MIR2052HG: variants seen among roughly 807,000 people sequenced by gnomAD.
MIR2052HG encodes MIR2052 host gene.
intron 4 of MIR2052HG, among the ~76,000 whole-genome samples, chr8:74,723,748 A>C (rs1052565458): frequency 4.6e-5 from 7 of 152,184 alleles, no homozygotes; most frequent in African/African-American, 1.4e-4. Flanking sequence ...TGTTGCTAGG[A>C]GAGTTTGTTT....
intron 2 of MIR2052HG, among the ~76,000 whole-genome samples, chr8:74,670,467 A>G (rs564781995): frequency 3.9e-5 from 6 of 152,326 alleles, no homozygotes; most frequent in African/African-American, 1.4e-4. Context: ...TTAAATTTAT[A>G]AAATAGTGAG....
chr8:74,677,384 C>G (rs1809066105), intron 2 of MIR2052HG, among the ~76,000 whole-genome samples: 1 of 151,976 alleles, frequency 6.6e-6, no homozygotes, highest in Admixed American at 6.6e-5. Context: ...ATCTTGTTCT[C>G]AAACACATAA....
At chr8:74,745,196 G>A (rs916770641) in intron 4 of MIR2052HG, among the ~76,000 whole-genome samples, 7 of 152,120 alleles carry the variant, frequency 4.6e-5, no homozygotes, top group South Asian at 4.1e-4. Context: ...CCAGAAAGTC[G>A]AGGCTGCAGT....
intron 2 of MIR2052HG, among the ~76,000 whole-genome samples, chr8:74,624,678 A>G (rs1312208499): frequency 1.3e-5 from 2 of 152,210 alleles, no homozygotes; most frequent in African/African-American, 2.4e-5. Flanking sequence ...TTTTAGAGTC[A>G]TTTTAATATG....
intron 1 of MIR2052HG, among the ~76,000 whole-genome samples, chr8:74,601,480 C>A (rs1054501961): frequency 1.3e-5 from 2 of 152,170 alleles, no homozygotes; most frequent in African/African-American, 4.8e-5. Flanking sequence ...AGGCCCAGTT[C>A]TTTAGGAAGT....
chr8:74,744,774 C>T lies in MIR2052HG; in HGVS notation n.372-7667C>T, dbSNP rs143912886. ...AAGTCTTTGCTATTGTGAATAATGCCGCAGTAAAATCTTACTTCATCAGGA... is the reference window on the plus strand; with the variant it reads ...AAGTCTTTGCTATTGTGAATAATGCTGCAGTAAAATCTTACTTCATCAGGA... On this transcript the variant is annotated intron_variant and non_coding_transcript_variant, in intron 4 of 6. Transcript: ENST00000523442. Among the ~76,000 whole-genome samples, 24 of 152,006 alleles carry T rather than the reference C, an allele frequency of 1.6e-4. No individual in the cohort carries two copies. In the East Asian group the frequency reaches 2.1e-3, roughly 13 times the overall value.
At chr8:74,639,728 T>C (rs1182152072) in intron 2 of MIR2052HG, among the ~76,000 whole-genome samples, 1 of 152,250 alleles carries the variant, frequency 6.6e-6, no homozygotes, top group Non-Finnish European at 1.5e-5. Context: ...ATTATGTTCC[T>C]ATTGGACATT....
chr8:74,637,232 A>T (rs1040315471), intron 2 of MIR2052HG, among the ~76,000 whole-genome samples: 8 of 152,172 alleles, frequency 5.3e-5, no homozygotes, highest in African/African-American at 1.9e-4. Flanking sequence ...ACTACATGTC[A>T]GAATCCATGG....
chr8:74,604,455 T>TGGAGGA (rs577633429), intron 1 of MIR2052HG, among the ~76,000 whole-genome samples: 1 of 65,784 alleles, frequency 1.5e-5, no homozygotes, highest in East Asian at 5.7e-4. Flanking sequence ...GAAGGTGGGG[T>TGGAGGA]GGAGGAGGAG....
chr8:74,734,833 G>A (rs747040118), intron 4 of MIR2052HG, among the ~76,000 whole-genome samples: 3 of 152,192 alleles, frequency 2.0e-5, no homozygotes, highest in Admixed American at 6.5e-5. Context: ...ATCCAACAGA[G>A]AGCAAAAGTT....
chr8:74,696,402 C>T (rs1023529782), intron 2 of MIR2052HG, among the ~76,000 whole-genome samples: 11 of 151,992 alleles, frequency 7.2e-5, no homozygotes, highest in Non-Finnish European at 1.5e-4. Context: ...TCTAAGGTCA[C>T]ACCTCGAGGA....
At chr8:74,624,549 A>C (rs1808409714) in intron 2 of MIR2052HG, among the ~76,000 whole-genome samples, 1 of 152,192 alleles carries the variant, frequency 6.6e-6, no homozygotes, top group Non-Finnish European at 1.5e-5. Flanking sequence ...CTCCTACCTG[A>C]CATTCTGTGA....
At chr8:74,600,588 A>T (rs970190078) in intron 1 of MIR2052HG, among the ~76,000 whole-genome samples, 1 of 138,022 alleles carries the variant, frequency 7.2e-6, no homozygotes, top group Non-Finnish European at 1.6e-5. Flanking sequence ...AAGAAAAAGG[A>T]AAAAAAAAAA....
chr8:74,738,937 A>G (rs1217895390), intron 4 of MIR2052HG, among the ~76,000 whole-genome samples: 1 of 152,238 alleles, frequency 6.6e-6, no homozygotes, highest in African/African-American at 2.4e-5. Context: ...GGAAGAAACA[A>G]TGTAAAAGGC....
chr8:74,732,757 T>C (rs1231145704), intron 4 of MIR2052HG, among the ~76,000 whole-genome samples: 1 of 151,936 alleles, frequency 6.6e-6, no homozygotes, highest in Non-Finnish European at 1.5e-5. Context: ...GAGGAGGGAA[T>C]AGGTAGAGGG....
In MIR2052HG at chr8:74,606,375, G is replaced by A. The variant is rs532595254; in HGVS notation, n.128+6467G>A. 4.3e-4 allele frequency among the ~76,000 whole-genome samples: 66 copies of A among 152,194 alleles called. 1 individual carries two copies. Among genetic ancestry groups the A allele is most frequent in the African/African-American group, 1.6e-3 (65 of 41,536 alleles). ...GTCAATTCAGGTGGAAACAAGGCTA[G>A]GTGATTAAAGTAAAGGGAGAGTCTA... On this transcript the variant is annotated intron_variant and non_coding_transcript_variant, in intron 1 of 6. Transcript: ENST00000523442.
intron 2 of MIR2052HG, among the ~76,000 whole-genome samples, chr8:74,624,340 A>G (rs1305561609): frequency 6.6e-6 from 1 of 152,220 alleles, no homozygotes; most frequent in Non-Finnish European, 1.5e-5. Flanking sequence ...TTTCACTTCA[A>G]ACATATTCTT....
intron 2 of MIR2052HG, among the ~76,000 whole-genome samples, chr8:74,671,668 TGAGA>T (rs1228057168): frequency 1.3e-5 from 2 of 152,086 alleles, no homozygotes; most frequent in Admixed American, 1.3e-4. Context: ...GGACTGAAAA[TGAGA>T]GAGCTATTCA....
intron 2 of MIR2052HG, among the ~76,000 whole-genome samples, chr8:74,691,384 G>A (rs1293934967): frequency 6.6e-6 from 1 of 152,176 alleles, no homozygotes; most frequent in Non-Finnish European, 1.5e-5. Context: ...TCAATCCTCA[G>A]AAGCTCTTGA....
Sources: allele counts gnomAD v4.1 joint callset (sites outside exome capture counted in the v4.1 genomes callset), GRCh38; gene constraint gnomAD v4.1.1; transcripts MANE v1.5; gene names NCBI Gene and HGNC (gene_info 2026-07-23, HGNC 2026-07-21).